Variants in CHD9 observed in about 807,000 individuals in gnomAD.
The protein encoded by CHD9 is chromodomain helicase DNA binding protein 9.
A neutral mutation model predicts 316.1 loss-of-function variants in CHD9; 77 were observed. That is an observed-to-expected ratio of 0.24 (90% CI 0.20 to 0.29). CHD9 has a LOEUF of 0.29. CHD9 is among the 10% of genes least tolerant of loss of function. The pLI is 1.00. For missense variants in CHD9, 2,763 were observed against 3,438.1 expected (o/e 0.80, Z 4.91); for synonymous variants, 1,129 against 1,158.3 (o/e 0.97, Z 0.51).
Position 53,162,585 on chromosome 16 carries a change from A to C in CHD9, c.1452+5044A>C, listed in dbSNP as rs138811799. ...TGAAACATGTTATGAGGGATGGCAGAACTGGCATTCGAAACAGGAAATAGA... is the reference window on the plus strand; with the variant it reads ...TGAAACATGTTATGAGGGATGGCAGCACTGGCATTCGAAACAGGAAATAGA... On this transcript the variant is annotated intron_variant, in intron 2 of 38. Coordinates refer to ENST00000447540, the MANE Select transcript of CHD9 (RefSeq NM_001308319.2). Among the ~76,000 whole-genome samples, 361 of 152,058 alleles carry C rather than the reference A, an allele frequency of 2.4e-3. 3 individuals are homozygous for C. Among genetic ancestry groups the C allele is most frequent in the African/African-American group, 8.0e-3 (333 of 41,524 alleles).
intron 3 of CHD9, among the ~76,000 whole-genome samples, chr16:53,221,501 A>G (rs904775469): frequency 1.3e-5 from 2 of 152,172 alleles, no homozygotes; most frequent in African/African-American, 4.8e-5. Flanking sequence ...TACGTTGCTG[A>G]TTAATAATTA....
chr16:53,063,414 T>C (rs2033156695), intron 1 of CHD9, among the ~76,000 whole-genome samples: 1 of 141,496 alleles, frequency 7.1e-6, no homozygotes, highest in Admixed American at 7.0e-5. Context: ...AATGTGAAGG[T>C]GATATTTGAA....
intron 27 of CHD9, among the ~76,000 whole-genome samples, chr16:53,288,688 A>G (rs2054091342): frequency 6.6e-6 from 1 of 152,190 alleles, no homozygotes. Flanking sequence ...AAAATCCTAT[A>G]TGAGGTCAAG....
chr16:53,145,450 C>T (rs1204584901), intron 1 of CHD9, among the ~76,000 whole-genome samples: 1 of 151,054 alleles, frequency 6.6e-6, no homozygotes, highest in East Asian at 2.0e-4. Flanking sequence ...CATGCCCGGC[C>T]AATCCCAGCA....
At position 53,267,388 on chromosome 16, in the gene CHD9, G is replaced by A; in HGVS notation, c.4415G>A (p.Ser1472Asn). 1.2e-6 allele frequency: 2 copies of A among 1,613,152 alleles called. No individual in the cohort carries two copies. The highest frequency in any genetic ancestry group is 1.1e-5 in the South Asian group (1 of 91,030). Reference sequence around the variant, plus strand: ...TTGGCTGAATTATCTGAAGCTGAAAGTGAAGGAGATGAAAAGCCCAAACTC... The same window carrying A: ...TTGGCTGAATTATCTGAAGCTGAAAATGAAGGAGATGAAAAGCCCAAACTC... ...DELAELSEAE[S>N]EGDEKPKLRR... Residue 1472 changes from serine (S) to asparagine (N), a missense_variant, in exon 21 of 39, where the codon AGT becomes AAT. Coordinates refer to ENST00000447540, the MANE Select transcript of CHD9 (RefSeq NM_001308319.2).
Position 53,286,856 on chromosome 16 carries a change from T to C in CHD9, c.5189+513T>C, listed in dbSNP as rs144043374. ...TCTTTAGATTATTTATAATTCATAG[T>C]ACAATATATATGCTGTATGCTATGT... On this transcript the variant is annotated intron_variant, in intron 26 of 38. Coordinates refer to ENST00000447540, the MANE Select transcript of CHD9 (RefSeq NM_001308319.2). 2.4e-4 allele frequency among the ~76,000 whole-genome samples: 37 copies of C among 152,296 alleles called. 2 individuals carry two copies. Among genetic ancestry groups the C allele is most frequent in the African/African-American group, 8.9e-4 (37 of 41,554 alleles).
intron 1 of CHD9, among the ~76,000 whole-genome samples, chr16:53,100,310 G>A (rs995755052): frequency 6.6e-6 from 1 of 152,146 alleles, no homozygotes; most frequent in African/African-American, 2.4e-5. Flanking sequence ...TGTGTCCTCT[G>A]AATGTGAGGA....
At chr16:53,190,276 G>A (rs2044374799) in intron 2 of CHD9, among the ~76,000 whole-genome samples, 1 of 151,964 alleles carries the variant, frequency 6.6e-6, no homozygotes, top group Non-Finnish European at 1.5e-5. Context: ...AATAAAATGG[G>A]TTTTGAAAGA....
At chr16:53,124,461 G>A (rs892092579) in intron 1 of CHD9, among the ~76,000 whole-genome samples, 45 of 142,576 alleles carry the variant, frequency 3.2e-4, no homozygotes, top group African/African-American at 1.1e-3. Flanking sequence ...GATCTGGTGA[G>A]ACTTAATTTT....
chr16:53,308,990 TTTTAA>T, intron 34 of CHD9, 136 bp downstream of exon 34: 1 of 638,312 alleles, frequency 1.6e-6, no homozygotes, highest in Non-Finnish European at 2.5e-6. Context: ...ATCAATAGAA[TTTTAA>T]ATCTTAACAA....
At chr16:53,321,678 G>A (rs1347352258) in intron 38 of CHD9, 48 bp downstream of exon 38, 2 of 978,136 alleles carry the variant, frequency 2.0e-6, no homozygotes, top group Admixed American at 5.1e-5. Context: ...CAAATTAGGT[G>A]CCATTCAATT....
At chr16:53,307,538 T>G in intron 32 of CHD9, 143 bp from the exon 33 acceptor site, 1 of 677,608 alleles carries the variant, frequency 1.5e-6, no homozygotes, top group Non-Finnish European at 2.4e-6. Context: ...AGAATTGTAA[T>G]ATATATATAC....
At chr16:53,256,515 G>T (rs1416552588) in intron 19 of CHD9, among the ~76,000 whole-genome samples, 1 of 150,200 alleles carries the variant, frequency 6.7e-6, no homozygotes, top group Non-Finnish European at 1.5e-5. Context: ...TAGAGACGGG[G>T]TTTCGCCATG....
At chr16:53,298,368 C>T (rs1211519899) in intron 30 of CHD9, 2 of 152,692 alleles carry the variant, frequency 1.3e-5, no homozygotes, top group African/African-American at 2.4e-5. Flanking sequence ...AGATACCAGG[C>T]TGGGCACAAT....
chr16:53,224,560 C>G (rs2047492867), intron 4 of CHD9, among the ~76,000 whole-genome samples: 1 of 152,138 alleles, frequency 6.6e-6, no homozygotes. Flanking sequence ...TTTGAGGTCA[C>G]TCATTTACTA....
At chr16:53,130,518 G>A (rs1860052309) in intron 1 of CHD9, among the ~76,000 whole-genome samples, 1 of 149,418 alleles carries the variant, frequency 6.7e-6, no homozygotes, top group South Asian at 2.1e-4. Flanking sequence ...CGCCGTGAGG[G>A]CGCGGCCTGA....
At chr16:53,288,240 G>C (rs985771811) in intron 27 of CHD9, among the ~76,000 whole-genome samples, 1 of 152,318 alleles carries the variant, frequency 6.6e-6, no homozygotes, top group East Asian at 1.9e-4. Context: ...TGGACATGTG[G>C]ATGCAATGGG....
intron 2 of CHD9, among the ~76,000 whole-genome samples, chr16:53,195,917 C>A (rs1406407731): frequency 6.6e-6 from 1 of 151,932 alleles, no homozygotes; most frequent in Non-Finnish European, 1.5e-5. Flanking sequence ...GCCACCATGC[C>A]TGGCTAATTT....
At chr16:53,310,890 T>TA (rs1555547795) in intron 34 of CHD9, 1 of 147,808 alleles carries the variant, frequency 6.8e-6, no homozygotes, top group Non-Finnish European at 1.5e-5. Flanking sequence ...ATAATAATAA[T>TA]ATCAATAGTA....
Sources: gnomAD v4.1 joint callset for allele counts (sites outside exome capture counted in the v4.1 genomes callset) on GRCh38, gnomAD v4.1.1 for gene constraint, MANE v1.5 for transcripts, NCBI Gene and HGNC (gene_info 2026-07-23, HGNC 2026-07-21) for gene names.